CEP63: variants seen among roughly 807,000 people sequenced by gnomAD.
CEP63 encodes the protein centrosomal protein 63.
Under a neutral mutation model 89.1 loss-of-function variants are expected in CEP63, and 84 were observed. The observed-to-expected ratio is 0.94, with a 90% CI of 0.79 to 1.13. CEP63 has a LOEUF of 1.13. Ranked by LOEUF, CEP63 falls within the 50% of genes most tolerant of loss-of-function variation. CEP63 has a pLI of 0.00. For synonymous variants in CEP63, 267 were observed against 272.5 expected (o/e 0.98, Z 0.20); for missense variants, 838 against 813.3 (o/e 1.03, Z -0.37).
At chr3:134,777,773 C>T in the CEP63 span, among the ~76,000 whole-genome samples, 10 of 151,772 alleles carry the variant, frequency 6.6e-5, no homozygotes, top group East Asian at 1.9e-3. Flanking sequence ...GCCACTATGC[C>T]GGGCTATTTT....
the CEP63 span, among the ~76,000 whole-genome samples, chr3:134,697,765 T>A: frequency 6.6e-6 from 1 of 152,234 alleles, no homozygotes; most frequent in East Asian, 1.9e-4. Flanking sequence ...TGAGGCCTGT[T>A]CTTATCATTA....
the CEP63 span, among the ~76,000 whole-genome samples, chr3:134,600,664 T>C: frequency 6.6e-6 from 1 of 152,192 alleles, no homozygotes; most frequent in Non-Finnish European, 1.5e-5. Context: ...AAGCAGATAC[T>C]TTCTGAGTTT....
chr3:134,515,511 T>G (rs1444552477), intron 3 of CEP63, among the ~76,000 whole-genome samples: 1 of 152,220 alleles, frequency 6.6e-6, no homozygotes, highest in Non-Finnish European at 1.5e-5. Context: ...AACTATATTC[T>G]TACCAGAAAA....
chr3:134,726,230 G>A, the CEP63 span, among the ~76,000 whole-genome samples: 2 of 152,164 alleles, frequency 1.3e-5, no homozygotes, highest in South Asian at 2.1e-4. Flanking sequence ...CTTTTTCCAC[G>A]GAAAGGCAGA....
Position 134,564,075 on chromosome 3 carries a change from C to T in CEP63, c.*2540C>T, listed in dbSNP as rs1489582698. On this transcript the variant is annotated 3_prime_UTR_variant, in exon 15 of 15. Coordinates refer to ENST00000675561, the MANE Select transcript of CEP63 (RefSeq NM_001353108.3). ...TGTGTTACTTGCTTCATAGTGCTCACTACTATCTGAAATCATTTCATTACT... is the reference window on the plus strand; with the variant it reads ...TGTGTTACTTGCTTCATAGTGCTCATTACTATCTGAAATCATTTCATTACT... 6.1e-6 allele frequency: 1 copy of T among 164,698 alleles called. No homozygotes were observed. The highest frequency in any genetic ancestry group is 1.3e-5 in the Non-Finnish European group (1 of 79,598). 10.2% of individuals were successfully genotyped at this position (164,698 alleles called of 1,614,324 possible). A position where few individuals can be genotyped will look rare whatever the true frequency, so the allele number is the denominator to read the frequency against.
downstream of CEP63, among the ~76,000 whole-genome samples, chr3:134,579,039 G>A (rs1286792619): frequency 6.6e-6 from 1 of 152,254 alleles, no homozygotes; most frequent in Non-Finnish European, 1.5e-5. Flanking sequence ...TTACAGGCGT[G>A]AGCCACTGCA....
downstream of CEP63, among the ~76,000 whole-genome samples, chr3:134,589,194 C>T (rs1411614166): frequency 6.6e-6 from 1 of 152,142 alleles, no homozygotes; most frequent in Non-Finnish European, 1.5e-5. Flanking sequence ...ATTCTCTTCT[C>T]ATTTTATAAG....
At chr3:134,677,199 C>G in the CEP63 span, among the ~76,000 whole-genome samples, 2 of 152,102 alleles carry the variant, frequency 1.3e-5, no homozygotes, top group Non-Finnish European at 2.9e-5. Flanking sequence ...GCGGAGGTTG[C>G]AGTGAGCGCA....
At chr3:134,760,746 G>T in the CEP63 span, among the ~76,000 whole-genome samples, 1 of 152,156 alleles carries the variant, frequency 6.6e-6, no homozygotes, top group Non-Finnish European at 1.5e-5. Flanking sequence ...AAACATTCAC[G>T]TGCTCTTGGC....
the CEP63 span, among the ~76,000 whole-genome samples, chr3:134,652,108 C>G: frequency 6.6e-6 from 1 of 152,254 alleles, no homozygotes; most frequent in African/African-American, 2.4e-5. Flanking sequence ...AGTACCAGCT[C>G]CATCACTTCC....
At chr3:134,667,821 C>G in the CEP63 span, among the ~76,000 whole-genome samples, 1 of 152,166 alleles carries the variant, frequency 6.6e-6, no homozygotes, top group South Asian at 2.1e-4. Flanking sequence ...AGCCAAGCAG[C>G]TCTGCTGGGG....
the CEP63 span, among the ~76,000 whole-genome samples, chr3:134,753,231 A>G: frequency 6.6e-6 from 1 of 152,120 alleles, no homozygotes. Flanking sequence ...CTCTATATAC[A>G]GACCGTGTCT....
chr3:134,521,976 G>T (rs1203819018), intron 3 of CEP63, among the ~76,000 whole-genome samples: 1 of 152,062 alleles, frequency 6.6e-6, no homozygotes, highest in Admixed American at 6.6e-5. Flanking sequence ...AGCTGGACTT[G>T]GGGGAGCTGT....
the CEP63 span, chr3:134,608,631 C>T: frequency 1.2e-6 from 2 of 1,613,996 alleles, no homozygotes; most frequent in African/African-American, 1.3e-5. Flanking sequence ...AGCACACTGG[C>T]ACCTGCTCCG....
At chr3:134,616,390 A>G in the CEP63 span, among the ~76,000 whole-genome samples, 1 of 152,368 alleles carries the variant, frequency 6.6e-6, no homozygotes, top group South Asian at 2.1e-4. Flanking sequence ...CTGACAACCA[A>G]GAAGGGATAA....
the CEP63 span, among the ~76,000 whole-genome samples, chr3:134,673,118 G>C: frequency 3.9e-5 from 6 of 152,194 alleles, 1 homozygote; most frequent in African/African-American, 1.4e-4. Context: ...CTCTTCATCA[G>C]GTCTTCAGGA....
At chr3:134,686,269 A>G in the CEP63 span, among the ~76,000 whole-genome samples, 14 of 152,320 alleles carry the variant, frequency 9.2e-5, no homozygotes, top group South Asian at 2.9e-3. Flanking sequence ...GGTCTCCCTG[A>G]AGACTTGTTT....
the CEP63 span, among the ~76,000 whole-genome samples, chr3:134,665,894 G>A: frequency 6.6e-6 from 1 of 152,012 alleles, no homozygotes; most frequent in South Asian, 2.1e-4. Context: ...GAGAGAAGTC[G>A]AGGGGCAGAA....
chr3:134,493,389 T>A (rs1485558057), intron 1 of CEP63, among the ~76,000 whole-genome samples: 2 of 151,726 alleles, frequency 1.3e-5, no homozygotes, highest in Non-Finnish European at 2.9e-5. Flanking sequence ...TGCCTCCCAG[T>A]TCTCCTAGAG....
Sources: gnomAD v4.1 joint callset for allele counts (sites outside exome capture counted in the v4.1 genomes callset) on GRCh38, gnomAD v4.1.1 for gene constraint, MANE v1.5 for transcripts, NCBI Gene and HGNC (gene_info 2026-07-23, HGNC 2026-07-21) for gene names.